Variants in FTCD observed in about 807,000 individuals in gnomAD.
FTCD encodes formimidoyltransferase cyclodeaminase, also known as formimidoyltransferase-cyclodeaminase.
FTCD carries 76 observed loss-of-function variants against 62.9 expected under a neutral mutation model. The observed-to-expected ratio is 1.21, with a 90% confidence interval of 1.00 to 1.46. The LOEUF is 1.46. Among genes scored for constraint, FTCD ranks in the 40% most tolerant of loss-of-function variants. The pLI, the probability that FTCD is intolerant of heterozygous loss-of-function variation, is 0.00. For synonymous variants in FTCD, 397 were observed against 336.9 expected (o/e 1.18, Z -1.95); for missense variants, 845 against 751.3 (o/e 1.12, Z -1.46).
At chr21:46,137,195 G>C in intron 13 of FTCD, 44 bp downstream of exon 13, 1 of 1,579,742 alleles carries the variant, frequency 6.3e-7, no homozygotes, top group Non-Finnish European at 8.7e-7. Flanking sequence ...TGTGAATCCA[G>C]GCCCCCACGT....
rs747119667 is a variant in FTCD at position 46,136,951 on chromosome 21, G to T, written c.*36C>A. Reference sequence around the variant, plus strand: ...CTCTGCCCTCTGGGGATGGGCGAGGGAGGGGCCACAGAGCCCGGAGAGGCC... The same window carrying T: ...CTCTGCCCTCTGGGGATGGGCGAGGTAGGGGCCACAGAGCCCGGAGAGGCC... On this transcript the variant is annotated 3_prime_UTR_variant, in exon 14 of 14. Coordinates refer to ENST00000397746, the MANE Select transcript of FTCD (RefSeq NM_206965.2). 1 of 1,612,570 alleles carries T rather than the reference G, an allele frequency of 6.2e-7. No homozygotes were observed.
At position 46,145,574 on chromosome 21, in the gene FTCD, G is replaced by C; in HGVS notation, c.1103C>G (p.Ala368Gly). Residue 368 changes from alanine (A) to glycine (G), a missense_variant, in exon 10 of 14, where the codon GCG (alanine) becomes GGG (glycine). Coordinates refer to ENST00000397746, the MANE Select transcript of FTCD (RefSeq NM_206965.2). ...GAGGCCCACCATGGAGCCCAGCGCC[G>C]CACCCTGCGAGAGGGGTGGATGTGG... ...SVAAAAAAMG[A>G]ALGSMVGLMT... 6.5e-7 allele frequency: 1 copy of C among 1,537,890 alleles called. No homozygotes were observed.
At chr21:46,155,230 C>T (rs563113418) in intron 1 of FTCD, among the ~76,000 whole-genome samples, 2 of 152,302 alleles carry the variant, frequency 1.3e-5, no homozygotes, top group African/African-American at 4.8e-5. Flanking sequence ...CGAAAGGCCC[C>T]TGAAGCCACA....
chr21:46,153,584 G>A (rs777799579), intron 2 of FTCD, among the ~76,000 whole-genome samples: 26 of 152,298 alleles, frequency 1.7e-4, no homozygotes, highest in East Asian at 3.9e-4. Flanking sequence ...AGCCTCCCCC[G>A]CCTTTGCCGC....
chr21:46,136,300 G>T, downstream of FTCD: 1 of 696,904 alleles, frequency 1.4e-6, no homozygotes. Flanking sequence ...AACTTCTCTG[G>T]AGACAGGAGG....
chr21:46,146,356 C>T lies in FTCD; in HGVS notation c.907-29G>A. Reference sequence around the variant, plus strand: ...GAAAAGGGGCTTGGAGTGGAAACGGCCTCGGCGCGTCTCCACCACCAGGAA... The same window carrying T: ...GAAAAGGGGCTTGGAGTGGAAACGGTCTCGGCGCGTCTCCACCACCAGGAA... On this transcript the variant is annotated intron_variant, in intron 7 of 13. Transcript: ENST00000397746. The T allele has an allele frequency of 2.0e-6, 3 of 1,501,980 alleles. No individual in the cohort carries two copies. The South Asian group carries it at 3.5e-5, about 18-fold the overall frequency. 93.0% of individuals were successfully genotyped at this position (1,501,980 alleles called of 1,614,324 possible). A position where few individuals can be genotyped will look rare whatever the true frequency, so the allele number is the denominator to read the frequency against.
intron 7 of FTCD, among the ~76,000 whole-genome samples, chr21:46,148,474 G>T (rs113599406): frequency 6.6e-6 from 1 of 152,072 alleles, no homozygotes; most frequent in African/African-American, 2.4e-5. Flanking sequence ...AATTAGCCAG[G>T]ACTACATAGT....
At chr21:46,150,631 G>T in intron 5 of FTCD, 106 bp from the exon 6 acceptor site, 1 of 1,176,296 alleles carries the variant, frequency 8.5e-7, no homozygotes, top group Non-Finnish European at 1.3e-6. Context: ...GGAGGAGCCT[G>T]TGCCTGGGTG....
chr21:46,138,087 C>T (rs1272065567), intron 12 of FTCD, among the ~76,000 whole-genome samples: 1 of 152,038 alleles, frequency 6.6e-6, no homozygotes, highest in African/African-American at 2.4e-5. Context: ...GCCAGGGTCC[C>T]ACTATGTTGC....
Position 46,138,488 on chromosome 21 carries a change from G to A in FTCD, c.1443+20C>T. The A allele has an allele frequency of 6.4e-7, 1 of 1,573,874 alleles. No homozygotes were observed. Among genetic ancestry groups the A allele is most frequent in the Non-Finnish European group, 8.6e-7 (1 of 1,166,966 alleles). ...TCCTGCTTTGCGGCAGGAGGCCTGG[G>A]GTCCCCCGGGCCCCCCTACCTGGAG... On this transcript the variant is annotated intron_variant, in intron 12 of 13. Transcript: ENST00000397746.
In FTCD at chr21:46,153,018, C is replaced by T. The variant is rs1248419511; in HGVS notation, c.256G>A (p.Gly86Arg). ...SRHQGEHPRMGALDVCPFIPV... is the reference protein window; with the variant it reads ...SRHQGEHPRMRALDVCPFIPV... ...ATGAAGGGGCAGACGTCTAGGGCCC[C>T]CATGCGGGGGTGCTCTCCTGCAGAG... The change falls in exon 3 of 14, where the codon GGG becomes AGG. Residue 86 changes from glycine to arginine, a missense_variant. Transcript: ENST00000397746. 2.6e-6 allele frequency: 4 copies of T among 1,549,334 alleles called. No individual in the cohort carries two copies. Among genetic ancestry groups the T allele is most frequent in the Middle Eastern group, 1.7e-4 (1 of 5,824 alleles).
In FTCD at chr21:46,154,169, A is replaced by T. The variant is rs772894833; in HGVS notation, c.218T>A (p.Ile73Asn). ...CTCACCTTGGTGCCTGCTCATGTCG[A>T]TAAGTCGGGAAGCTACCCGGGCAGC... ...LNAARVASRL[I>N]DMSRHQGEHP... is the part of the protein sequence containing the mutation. Residue 73 changes from isoleucine to asparagine, a missense_variant, in exon 2 of 14, where the codon ATC becomes AAC. Coordinates refer to ENST00000397746, the MANE Select transcript of FTCD (RefSeq NM_206965.2). 1.2e-6 allele frequency: 2 copies of T among 1,612,818 alleles called. No homozygotes were observed.
chr21:46,138,312 C>T (rs770441112), intron 12 of FTCD, among the ~76,000 whole-genome samples, 196 bp downstream of exon 12: 4 of 152,320 alleles, frequency 2.6e-5, no homozygotes, highest in Admixed American at 2.0e-4. Context: ...TCTGTGGTGC[C>T]GCCGTGAGCG....
At chr21:46,136,704 A>G, downstream of FTCD, 1 of 1,470,838 alleles carries the variant, frequency 6.8e-7, no homozygotes, top group Non-Finnish European at 9.0e-7. Context: ...CACTGACCAT[A>G]TGTCCTGCTC....
At chr21:46,136,654 C>T (rs145276730), downstream of FTCD, 119 of 1,473,162 alleles carry the variant, frequency 8.1e-5, no homozygotes, top group African/African-American at 2.8e-4. Flanking sequence ...TGTCTCCTCA[C>T]GCTGCAACCC....
intron 13 of FTCD, 24 bp from the exon 14 acceptor site, chr21:46,137,097 G>T (rs548071073): frequency 3.7e-6 from 6 of 1,613,434 alleles, no homozygotes; most frequent in Non-Finnish European, 3.4e-6. Flanking sequence ...GGAAAGAGGG[G>T]TCTGGTAGTT....
chr21:46,152,871 G>A (rs565659382), intron 3 of FTCD, 36 bp downstream of exon 3: 16 of 1,534,190 alleles, frequency 1.0e-5, no homozygotes, highest in Middle Eastern at 3.4e-4. Context: ...CCAATGAGAC[G>A]GGAGCAGAGT....
rs2079310651 is a variant in FTCD at position 46,152,344 on chromosome 21, G to A, written c.368-364C>T. 1.2e-5 allele frequency: 3 copies of A among 252,268 alleles called. No homozygotes were observed. The South Asian group carries it at 2.8e-4, about 24-fold the overall frequency. 15.6% of individuals were successfully genotyped at this position (252,268 alleles called of 1,614,324 possible). ...ACGGCAGAGAAGAGGAAAAACTCGT[G>A]AACCCGCACACCAGTGTGACTGTGA... is the stretch of plus-strand genomic sequence containing the variant. On this transcript the variant is annotated intron_variant, in intron 3 of 13. Transcript: ENST00000397746.
At position 46,138,508 on chromosome 21, in the gene FTCD, C is replaced by T; in HGVS notation, c.1443G>A (p.Gln481=). 1.3e-6 allele frequency: 2 copies of T among 1,584,098 alleles called. No homozygotes were observed. The highest frequency in any genetic ancestry group is 8.5e-7 in the Non-Finnish European group (1 of 1,172,144). Residue 481 remains glutamine (Q), a splice_region_variant and synonymous_variant, in exon 12 of 14, where the codon CAG becomes CAA. Coordinates refer to ENST00000397746, the MANE Select transcript of FTCD (RefSeq NM_206965.2). ...CGNLACRSDL[Q]VAAKALEMGV... ...CCTGGGGTCCCCCGGGCCCCCCTAC[C>T]TGGAGGTCTGACCGGCAGGCCAGGT...
Sources: gnomAD v4.1 joint callset for allele counts (sites outside exome capture counted in the v4.1 genomes callset) on GRCh38, gnomAD v4.1.1 for gene constraint, MANE v1.5 for transcripts, NCBI Gene and HGNC (gene_info 2026-07-23, HGNC 2026-07-21) for gene names.